Variants in WDFY4 observed in about 807,000 individuals in gnomAD.
WDFY4 encodes the protein WD repeat- and FYVE domain-containing protein 4.
WDFY4 carries 169 observed loss-of-function variants against 351.9 expected under a neutral mutation model. The ratio of observed to expected loss-of-function variants is 0.48; its 90% CI spans 0.42 to 0.55. The LOEUF is 0.55. Among genes scored for constraint, WDFY4 ranks in the 20% least tolerant of loss-of-function variants. The pLI, the probability that WDFY4 is intolerant of heterozygous loss-of-function variation, is 0.00. For synonymous variants in WDFY4, 1,622 were observed against 1,574.6 expected, an observed-to-expected ratio of 1.03 and a Z score of -0.71; for missense variants, 3,803 against 3,935.6, an observed-to-expected ratio of 0.97 and a Z score of 0.90.
intron 2 of WDFY4, among the ~76,000 whole-genome samples, chr10:48,712,934 G>A (rs990320204): frequency 7.2e-5 from 11 of 152,210 alleles, no homozygotes; most frequent in African/African-American, 2.4e-4. Flanking sequence ...TGAGACTCCT[G>A]AGTACAAACA....
chr10:48,861,987 T>C (rs954736233), intron 39 of WDFY4, among the ~76,000 whole-genome samples: 2 of 152,242 alleles, frequency 1.3e-5, no homozygotes, highest in Non-Finnish European at 2.9e-5. Flanking sequence ...TGTTTTACAC[T>C]GGGTTCTTCT....
intron 39 of WDFY4, among the ~76,000 whole-genome samples, chr10:48,851,074 C>A (rs189306661): frequency 1.1e-4 from 17 of 152,130 alleles, no homozygotes; most frequent in Admixed American, 9.2e-4. Flanking sequence ...TTTTTGATAC[C>A]AGGGCTGCTG....
intron 57 of WDFY4, 111 bp downstream of exon 57, chr10:48,970,400 C>G (rs1344630447): frequency 1.4e-6 from 2 of 1,399,562 alleles, no homozygotes; most frequent in African/African-American, 1.4e-5. Flanking sequence ...GGAACACACC[C>G]TAACTCTGCT....
intron 8 of WDFY4, among the ~76,000 whole-genome samples, chr10:48,730,152 C>G (rs1366618654): frequency 6.6e-6 from 1 of 152,232 alleles, no homozygotes; most frequent in Non-Finnish European, 1.5e-5. Flanking sequence ...AACAGAGGGC[C>G]TGCCGGAGGG....
Position 48,743,111 on chromosome 10 carries a change from C to T in WDFY4, c.2022C>T (p.Pro674=), listed in dbSNP as rs1013584147. 6.4e-7 allele frequency: 1 copy of T among 1,551,600 alleles called. No individual in the cohort carries two copies. The highest frequency in any genetic ancestry group is 1.4e-5 in the African/African-American group (1 of 73,052). Residue 674 remains proline (P), a synonymous_variant, in exon 12 of 62, where the codon CCC becomes CCT. Transcript: ENST00000325239. ...PPLQAWGAVS[P]RQTLELVLYT... ...TGCAGGCATGGGGAGCAGTATCCCC[C>T]AGACAGACCCTGGAGCTGGTTTTGT...
intron 13 of WDFY4, among the ~76,000 whole-genome samples, 168 bp from the exon 14 acceptor site, chr10:48,774,290 G>T (rs1173848344): frequency 1.3e-5 from 2 of 152,184 alleles, no homozygotes; most frequent in East Asian, 3.9e-4. Context: ...GCCAGGTGAG[G>T]AGGGCACTGG....
At chr10:48,730,060 G>A (rs1301794373) in intron 8 of WDFY4, among the ~76,000 whole-genome samples, 5 of 152,224 alleles carry the variant, frequency 3.3e-5, no homozygotes, top group African/African-American at 1.2e-4. Flanking sequence ...ACTGTCACAT[G>A]TCCTTGAACC....
chr10:48,820,951 CACTGCTGGCAG>C, intron 33 of WDFY4, 100 bp from the exon 34 acceptor site: 1 of 735,880 alleles, frequency 1.4e-6, no homozygotes, highest in Non-Finnish European at 2.3e-6. Flanking sequence ...GAGCAGCCCA[CACTGCTGGCAG>C]ATGCGGCATA....
intron 44 of WDFY4, among the ~76,000 whole-genome samples, chr10:48,896,014 G>A (rs1309438819): frequency 1.3e-5 from 2 of 152,210 alleles, no homozygotes; most frequent in African/African-American, 4.8e-5. Flanking sequence ...GGAATTTTAA[G>A]ATGCACTCCC....
intron 47 of WDFY4, among the ~76,000 whole-genome samples, chr10:48,916,517 G>A (rs951959934): frequency 2.0e-5 from 3 of 152,156 alleles, no homozygotes; most frequent in Non-Finnish European, 2.9e-5. Context: ...AGAGCTGGGG[G>A]GTTGCTTTGT....
At chr10:48,831,154 G>A (rs1589710882) in intron 38 of WDFY4, among the ~76,000 whole-genome samples, 3 of 152,188 alleles carry the variant, frequency 2.0e-5, no homozygotes, top group Admixed American at 1.3e-4. Context: ...CCATGTGGAG[G>A]CTGTGGCCTG....
At chr10:48,856,946 T>C (rs2069155022) in intron 39 of WDFY4, among the ~76,000 whole-genome samples, 1 of 152,218 alleles carries the variant, frequency 6.6e-6, no homozygotes, top group Admixed American at 6.5e-5. Flanking sequence ...ATTCTAGTAT[T>C]TGCTTGATTT....
intron 9 of WDFY4, 28 bp downstream of exon 9, chr10:48,731,590 G>A (rs937520492): frequency 2.6e-6 from 4 of 1,538,202 alleles, no homozygotes; most frequent in African/African-American, 2.7e-5. Context: ...GGGAGGGATG[G>A]GCAGGGGTCA....
At position 48,805,506 on chromosome 10, in the gene WDFY4, G is replaced by A. The variant is rs1386818139; in HGVS notation, c.4646+85G>A. On this transcript the variant is annotated intron_variant, in intron 26 of 61. Transcript: ENST00000325239. ...GACAGACCCCAGCTCTCTCCCCATT[G>A]TGCTCAACCCTGAATCACTTGGAAC... 4.1e-6 allele frequency: 6 copies of A among 1,467,370 alleles called. No homozygotes were observed. In the African/African-American group the frequency reaches 7.1e-5, roughly 17 times the overall value. The allele number at this position is 1,467,370 out of a possible 1,614,324, so 90.9% of individuals were successfully genotyped here. A position where few individuals can be genotyped will look rare whatever the true frequency, so the allele number is the denominator to read the frequency against.
At chr10:48,783,288 C>T (rs2066286653) in intron 19 of WDFY4, among the ~76,000 whole-genome samples, 1 of 152,000 alleles carries the variant, frequency 6.6e-6, no homozygotes. Context: ...TTTATAATAC[C>T]TAATACAATG....
chr10:48,701,834 A>C (rs1331716583), intron 1 of WDFY4, among the ~76,000 whole-genome samples: 1 of 152,126 alleles, frequency 6.6e-6, no homozygotes, highest in Non-Finnish European at 1.5e-5. Context: ...AAGATAGATG[A>C]TACAGAGATA....
intron 39 of WDFY4, among the ~76,000 whole-genome samples, chr10:48,859,352 A>C (rs1341567515): frequency 6.6e-6 from 1 of 152,198 alleles, no homozygotes; most frequent in African/African-American, 2.4e-5. Context: ...TTAGCTGTAG[A>C]GTTTTCGTAG....
chr10:48,717,854 G>T (rs72787297), intron 2 of WDFY4, among the ~76,000 whole-genome samples: 22,643 of 152,112 alleles, frequency 0.15, 2,103 homozygotes, highest in Non-Finnish European at 0.21. Flanking sequence ...CACAAATAGT[G>T]CCAGACAAAT....
At chr10:48,864,412 G>C (rs2069464116) in intron 39 of WDFY4, among the ~76,000 whole-genome samples, 1 of 152,096 alleles carries the variant, frequency 6.6e-6, no homozygotes, top group African/African-American at 2.4e-5. Context: ...TTTATTTTTG[G>C]ACTCTCAATT....
Sources: gnomAD v4.1 joint callset for allele counts (sites outside exome capture counted in the v4.1 genomes callset) on GRCh38, gnomAD v4.1.1 for gene constraint, MANE v1.5 for transcripts, NCBI Gene and HGNC (gene_info 2026-07-23, HGNC 2026-07-21) for gene names.